Variants in FHAD1 observed in about 807,000 individuals in gnomAD.
FHAD1 encodes the protein forkhead associated phosphopeptide binding domain 1, also known as forkhead-associated domain-containing protein 1.
In FHAD1, 146 loss-of-function variants were observed where a neutral mutation model predicts 191.3. The observed-to-expected ratio is 0.76, with a 90% confidence interval of 0.67 to 0.88. The LOEUF (loss-of-function observed/expected upper bound fraction) is 0.88, where lower values mean the gene tolerates loss of function less well. Among genes scored for constraint, FHAD1 ranks in the 40% least tolerant of loss-of-function variants. The pLI is 0.00. For missense variants in FHAD1, 1,635 were observed against 1,785.8 expected, an observed-to-expected ratio of 0.92 and a Z score of 1.52; for synonymous variants, 616 against 672.3, an observed-to-expected ratio of 0.92 and a Z score of 1.29.
At chr1:15,346,017 G>T (rs1558179041) in intron 18 of FHAD1, among the ~76,000 whole-genome samples, 1 of 152,072 alleles carries the variant, frequency 6.6e-6, no homozygotes, top group Non-Finnish European at 1.5e-5. Flanking sequence ...CTTACGCCCC[G>T]GAGGAGTATC....
upstream of FHAD1, among the ~76,000 whole-genome samples, chr1:15,244,098 A>G (rs1645717522): frequency 6.6e-6 from 1 of 152,070 alleles, no homozygotes; most frequent in African/African-American, 2.4e-5. This position sits in a 1 kb window ranked among gnomAD's most constrained non-coding sequence, Gnocchi z 5.1. Context: ...TCACTGTTTA[A>G]TTGCAATGTA....
chr1:15,314,829 T>C, intron 8 of FHAD1, among the ~76,000 whole-genome samples: 1 of 95,580 alleles, frequency 1.0e-5, no homozygotes, highest in African/African-American at 4.3e-5. Flanking sequence ...TGTGGATGTG[T>C]GTAGGTGAGT....
chr1:15,308,646 C>T lies in FHAD1; in HGVS notation c.949C>T (p.Leu317=). Reference sequence around the variant, plus strand: ...CCTACAGAAAGGCTACAGCAAGGTGCTGTGCCAGACCCTGTCAGAGCGGAA... The same window carrying T: ...CCTACAGAAAGGCTACAGCAAGGTGTTGTGCCAGACCCTGTCAGAGCGGAA... The part of the protein sequence containing the change: ...SALQKGYSKV[L]CQTLSERNSE... The change falls in exon 7 of 34, where the codon CTG becomes TTG. Residue 317 remains leucine (L), a synonymous_variant. Coordinates refer to ENST00000688493, the MANE Select transcript of FHAD1 (RefSeq NM_001391957.1). 1 of 1,551,754 alleles carries T rather than the reference C, an allele frequency of 6.4e-7. No homozygotes were observed. Among genetic ancestry groups the T allele is most frequent in the Non-Finnish European group, 8.7e-7 (1 of 1,146,998 alleles).
chr1:15,309,893 G>A (rs571642750), intron 7 of FHAD1, among the ~76,000 whole-genome samples: 12 of 152,254 alleles, frequency 7.9e-5, no homozygotes, highest in African/African-American at 1.2e-4. Context: ...CAAAGGCCCC[G>A]AGGCTGGACC....
chr1:15,330,208 G>T (rs971847842), intron 14 of FHAD1: 1 of 152,256 alleles, frequency 6.6e-6, no homozygotes, highest in Non-Finnish European at 1.5e-5. Context: ...TGGGCACTTA[G>T]GTGATTTCCA....
chr1:15,353,704 C>CAAAAAAAAAAAAAAAAAAAAAA (rs60518389), intron 20 of FHAD1, among the ~76,000 whole-genome samples: 23 of 60,974 alleles, frequency 3.8e-4, no homozygotes, highest in East Asian at 6.8e-4. Context: ...GACTCCATCT[C>CAAAAAAAAAAAAAAAAAAAAAA]AAAAAAAAAA....
intron 9 of FHAD1, 119 bp from the exon 10 acceptor site, chr1:15,317,705 G>A: frequency 1.6e-6 from 1 of 643,602 alleles, no homozygotes; most frequent in Non-Finnish European, 2.7e-6. Context: ...GCTGATACCA[G>A]ACAAGGTTTC....
chr1:15,354,350 G>C (rs1481456517), intron 20 of FHAD1, among the ~76,000 whole-genome samples: 1 of 152,166 alleles, frequency 6.6e-6, no homozygotes, highest in Non-Finnish European at 1.5e-5. Context: ...GGCACATCTG[G>C]ATCGCACGTC....
intron 32 of FHAD1, among the ~76,000 whole-genome samples, chr1:15,390,430 A>G (rs558963977): frequency 6.6e-6 from 1 of 151,356 alleles, no homozygotes; most frequent in African/African-American, 2.4e-5. Context: ...TGCTGGTGAC[A>G]CTAGGCCCAC....
At position 15,296,737 on chromosome 1, in the gene FHAD1, G is replaced by C. The variant is rs1421319713; in HGVS notation, c.622G>C (p.Gly208Arg). 1 of 1,551,902 alleles carries C rather than the reference G, an allele frequency of 6.4e-7. No individual in the cohort carries two copies. Among genetic ancestry groups the C allele is most frequent in the Non-Finnish European group, 8.7e-7 (1 of 1,147,046 alleles). The change falls in exon 5 of 34, where the codon GGG (glycine) becomes CGG (arginine). Residue 208 changes from glycine to arginine, a missense_variant. Gly to Arg is a moderately radical substitution (Grantham distance 125). Transcript: ENST00000688493. ...SEKSVAEGIP[G>R]AVPPAEIYVE... ...AAAATCAGTGGCCGAGGGGATTCCT[G>C]GGGCAGTTCCCCCTGCGGAGATTTA...
At chr1:15,350,442 G>T (rs1169525270) in intron 19 of FHAD1, among the ~76,000 whole-genome samples, 1 of 152,268 alleles carries the variant, frequency 6.6e-6, no homozygotes, top group Non-Finnish European at 1.5e-5. Context: ...AGGTGTGAAG[G>T]TCAGGACCTG....
At chr1:15,282,259 C>A (rs987959868) in intron 3 of FHAD1, among the ~76,000 whole-genome samples, 1 of 152,186 alleles carries the variant, frequency 6.6e-6, no homozygotes, top group African/African-American at 2.4e-5. Flanking sequence ...TGGGTCCAGC[C>A]AGTGCTATGC....
intron 2 of FHAD1, among the ~76,000 whole-genome samples, chr1:15,255,047 T>C (rs914726924): frequency 6.6e-6 from 1 of 151,596 alleles, no homozygotes; most frequent in African/African-American, 2.4e-5. Context: ...CGAGTAATAA[T>C]TCAACAGTCA....
rs1022752337 is a variant in FHAD1, at chr1:15,312,583, G to A, written c.1040-474G>A. Among the ~76,000 whole-genome samples, 1 of 152,202 alleles carries A rather than the reference G, an allele frequency of 6.6e-6. No individual in the cohort carries two copies. ...AGGCCAAGGCAGGAGGATCGCCTGA[G>A]TCCAGGAGGTCGAGGCTGTAGTGAA... On this transcript the variant is annotated intron_variant, in intron 7 of 33. Coordinates refer to ENST00000688493, the MANE Select transcript of FHAD1 (RefSeq NM_001391957.1). The surrounding 1 kb of genome is among the most constrained non-coding windows in gnomAD (Gnocchi z 4.7).
intron 2 of FHAD1, among the ~76,000 whole-genome samples, chr1:15,254,270 G>C (rs953948134): frequency 1.3e-5 from 2 of 152,170 alleles, no homozygotes; most frequent in Non-Finnish European, 2.9e-5. Context: ...TAAAAGCACA[G>C]GCTTTGGAGA....
chr1:15,244,393 G>A (rs1329165920), upstream of FHAD1, among the ~76,000 whole-genome samples: 10 of 152,132 alleles, frequency 6.6e-5, no homozygotes, highest in Non-Finnish European at 1.3e-4. This position sits in a 1 kb window ranked among gnomAD's most constrained non-coding sequence, Gnocchi z 5.1. Context: ...GCCTGGTGAG[G>A]GGCATGGGCT....
intron 8 of FHAD1, among the ~76,000 whole-genome samples, chr1:15,314,061 AAATAATAATAATAATAATAATAAT>A (rs59696318): frequency 1.4e-5 from 2 of 146,408 alleles, no homozygotes; most frequent in African/African-American, 2.5e-5. Flanking sequence ...ACTCCGTCTC[AAATAATAATAATAATAATAATAAT>A]AATAATAATA....
Position 15,324,471 on chromosome 1 carries a change from A to G in FHAD1, c.1385A>G (p.Glu462Gly), listed in dbSNP as rs1441286434. Residue 462 changes from glutamate (E) to glycine (G), a missense_variant, in exon 11 of 34, where the codon GAG becomes GGG. Physicochemically the swap from Glu to Gly is moderately conservative, Grantham distance 98. Coordinates refer to ENST00000688493, the MANE Select transcript of FHAD1 (RefSeq NM_001391957.1). ...TTTCAGGTTGAAGAGAAGCTTCAGG[A>G]GGATTCCAGAAGGAAATTGCTTCAG... ...EKSKVEEKLQ[E>G]DSRRKLLQLQ... 3.2e-6 allele frequency: 5 copies of G among 1,552,086 alleles called. No individual in the cohort carries two copies. The highest frequency in any genetic ancestry group is 4.4e-6 in the Non-Finnish European group (5 of 1,146,908).
At position 15,349,628 on chromosome 1, in the gene FHAD1, A is replaced by G. The variant is rs181159902; in HGVS notation, c.2454+479A>G. Reference sequence around the variant, plus strand: ...CTCCTGGTGTCATGGACTCCGGAGCAGGCCCTCCCTTGACTGGCTGAGGAG... The same window carrying G: ...CTCCTGGTGTCATGGACTCCGGAGCGGGCCCTCCCTTGACTGGCTGAGGAG... On this transcript the variant is annotated intron_variant, in intron 19 of 33. Coordinates refer to ENST00000688493, the MANE Select transcript of FHAD1 (RefSeq NM_001391957.1). 5.3e-4 allele frequency among the ~76,000 whole-genome samples: 80 copies of G among 152,380 alleles called. 1 individual carries two copies. The highest frequency in any genetic ancestry group is 1.3e-3 in the East Asian group (7 of 5,190).
Sources: gnomAD v4.1 joint callset for allele counts (sites outside exome capture counted in the v4.1 genomes callset) on GRCh38, gnomAD v4.1.1 for gene constraint, Gnocchi (gnomAD v3.1) non-coding constraint, MANE v1.5 for transcripts, NCBI Gene and HGNC (gene_info 2026-07-23, HGNC 2026-07-21) for gene names.